PRX: variants seen among roughly 807,000 people sequenced by gnomAD.
PRX encodes periaxin.
PRX carries 24 observed loss-of-function variants against 29.6 expected under a neutral mutation model. That is an observed-to-expected ratio of 0.81 (90% CI 0.59 to 1.14). The LOEUF (loss-of-function observed/expected upper bound fraction) is 1.14. Among genes scored for constraint, PRX ranks in the 50% most tolerant of loss-of-function variants. PRX has a pLI of 0.00. For missense variants in PRX, 1,838 were observed against 1,926.4 expected, an observed-to-expected ratio of 0.95 and a Z score of 0.86; for synonymous variants, 772 against 831.7, an observed-to-expected ratio of 0.93 and a Z score of 1.24.
Position 40,408,140 on chromosome 19 carries a change from C to T in PRX, c.-100+18G>A. 3 of 646,416 alleles carry T rather than the reference C, an allele frequency of 4.6e-6. No individual in the cohort carries two copies. Among genetic ancestry groups the T allele is most frequent in the Non-Finnish European group, 5.4e-6 (2 of 367,002 alleles). 40.0% of individuals were successfully genotyped at this position (646,416 alleles called of 1,614,324 possible). On this transcript the variant is annotated intron_variant, in intron 3 of 6. Coordinates refer to ENST00000324001, the MANE Select transcript of PRX (RefSeq NM_181882.3). Reference sequence around the variant, plus strand: ...TATTAGAAGGGGAGAAGGGCCCCCACCCCAGCTGTCCTCTCACCGCTGCCT... The same window carrying T: ...TATTAGAAGGGGAGAAGGGCCCCCATCCCAGCTGTCCTCTCACCGCTGCCT...
In PRX at chr19:40,395,476, AC is replaced by A; in HGVS notation, c.2875del (p.Val959TyrfsTer49). 1.2e-6 allele frequency: 2 copies of A among 1,613,774 alleles called. No homozygotes were observed. Among genetic ancestry groups the A allele is most frequent in the Non-Finnish European group, 1.7e-6 (2 of 1,179,948 alleles). ...GGGGAGTGAGATGGCAAATTTGGATACCTTCAGCTTGGTAGCTCGCCCAGCC... is the reference window on the plus strand; with the variant it reads ...GGGGAGTGAGATGGCAAATTTGGATACTTCAGCTTGGTAGCTCGCCCAGCC... ...EGAGRATKLK[V>X]SKFAISLPKA... On this transcript the variant is annotated frameshift_variant, in exon 7 of 7. Transcript: ENST00000324001. LOFTEE classifies it low-confidence loss of function (END_TRUNC).
Position 40,395,686 on chromosome 19 carries a change from G to A in PRX, c.2666C>T (p.Ala889Val). The change falls in exon 7 of 7, where the codon GCA (alanine) becomes GTA (valine). Residue 889 changes from alanine to valine, a missense_variant. Around this residue, in one of 3 missense-constraint regions of PRX, gnomAD observed 1,143 missense variants for 1,193.0 expected, o/e 0.96. Transcript: ENST00000324001. ...TCGGAAGCCCACTTCCCTGACCCCT[G>A]CTGCCACCTCAGGGCCCTCCACCCG... ...GERVEGPEVA[A>V]GVREVGFRVP... 6.2e-7 allele frequency: 1 copy of A among 1,614,082 alleles called. No individual in the cohort carries two copies. The highest frequency in any genetic ancestry group is 1.1e-5 in the South Asian group (1 of 91,078).
chr19:40,398,876 T>C lies in PRX; in HGVS notation c.185-60A>G. ...ATCTCCCGGCTCCGCCCGGGCCTAG[T>C]TCTGCCCACTTGCACGGAGCCCTCG... On this transcript the variant is annotated intron_variant, in intron 5 of 6. Coordinates refer to ENST00000324001, the MANE Select transcript of PRX (RefSeq NM_181882.3). This position sits in a 1 kb window ranked among gnomAD's most constrained non-coding sequence, Gnocchi z 6.3. 6.2e-7 allele frequency: 1 copy of C among 1,611,330 alleles called. No homozygotes were observed. Among genetic ancestry groups the C allele is most frequent in the Non-Finnish European group, 8.5e-7 (1 of 1,179,026 alleles).
Position 40,394,082 on chromosome 19 carries a change from C to T in PRX, c.4270G>A (p.Gly1424Arg), listed in dbSNP as rs754032938. The change falls in exon 7 of 7, where the codon GGG becomes AGG. Residue 1424 changes from glycine to arginine, a missense_variant. Physicochemically the swap from Gly to Arg is moderately radical, Grantham distance 125. Around this residue, in one of 3 missense-constraint regions of PRX, gnomAD observed 1,143 missense variants for 1,193.0 expected, o/e 0.96. Coordinates refer to ENST00000324001, the MANE Select transcript of PRX (RefSeq NM_181882.3). The surrounding 1 kb of genome is among the most constrained non-coding windows in gnomAD (Gnocchi z 5.8). ...CCACCCTCTTCCTGGTCCCCACTCCCACTCCGGGCCTTGGGGCTTAGGGAC... is the reference window on the plus strand; with the variant it reads ...CCACCCTCTTCCTGGTCCCCACTCCTACTCCGGGCCTTGGGGCTTAGGGAC... ...RVSLSPKARS[G>R]SGDQEEGGLR... The T allele has an allele frequency of 6.2e-7, 1 of 1,611,438 alleles. No individual in the cohort carries two copies.
At position 40,398,262 on chromosome 19, in the gene PRX, G is replaced by A; in HGVS notation, c.382-292C>T. On this transcript the variant is annotated intron_variant, in intron 6 of 6. Transcript: ENST00000324001. The surrounding 1 kb of genome is among the most constrained non-coding windows in gnomAD (Gnocchi z 6.3). ...TCCTCATTCTAGAGATGGGGAAACT[G>A]AGGCCCAGGGAGAGAAACAACTTTG... 7.1e-7 allele frequency: 1 copy of A among 1,412,864 alleles called. No individual in the cohort carries two copies. The highest frequency in any genetic ancestry group is 9.2e-7 in the Non-Finnish European group (1 of 1,087,738). 87.5% of individuals were successfully genotyped at this position (1,412,864 alleles called of 1,614,324 possible).
intron 1 of PRX, among the ~76,000 whole-genome samples, chr19:40,411,304 C>A (rs1430609965): frequency 6.6e-6 from 1 of 152,098 alleles, no homozygotes; most frequent in East Asian, 1.9e-4. Flanking sequence ...CTTGTGGGAC[C>A]CCATTTAACT....
rs753734869 is a variant in PRX at position 40,396,887 on chromosome 19, C to T, written c.1465G>A (p.Val489Met). The T allele has an allele frequency of 4.3e-6, 7 of 1,614,158 alleles. No individual in the cohort carries two copies. Among genetic ancestry groups the T allele is most frequent in the Middle Eastern group, 1.6e-4 (1 of 6,062 alleles). ...PKVPEMAVPEVRLPEVELPKV... is the reference protein window; with the variant it reads ...PKVPEMAVPEMRLPEVELPKV... ...GGCAGCTCTACCTCTGGAAGCCGCA[C>T]CTCCGGCACAGCCATCTCTGGCACC... The change falls in exon 7 of 7, where the codon GTG becomes ATG. Residue 489 changes from valine to methionine, a missense_variant. Val to Met is a conservative substitution (Grantham distance 21). Around this residue, in one of 3 missense-constraint regions of PRX, gnomAD observed 666 missense variants for 665.0 expected, o/e 1.00. Transcript: ENST00000324001.
chr19:40,394,558 G>A lies in PRX; in HGVS notation c.3794C>T (p.Pro1265Leu). Residue 1265 changes from proline (P) to leucine (L), a missense_variant, in exon 7 of 7, where the codon CCC (proline) becomes CTC (leucine). Physicochemically the swap from Pro to Leu is moderately conservative, Grantham distance 98 (BLOSUM62 -3). Transcript: ENST00000324001. This position sits in a 1 kb window ranked among gnomAD's most constrained non-coding sequence, Gnocchi z 5.8. ...GCAGAAGGTACGCTCGGCCCCTGGG[G>A]GCTGCTCCTCAGCACCCTCGCCCCC... The part of the protein sequence containing the change: ...RVGGEGAEEQ[P>L]PGAERTFCLS... 6.2e-7 allele frequency: 1 copy of A among 1,608,162 alleles called. No homozygotes were observed. The highest frequency in any genetic ancestry group is 8.5e-7 in the Non-Finnish European group (1 of 1,178,196).
chr19:40,394,335 G>T lies in PRX; in HGVS notation c.4017C>A (p.Ser1339Arg), dbSNP rs758057597. 76 of 1,607,892 alleles carry T rather than the reference G, an allele frequency of 4.7e-5. No individual in the cohort carries two copies. Among genetic ancestry groups the T allele is most frequent in the Non-Finnish European group, 5.9e-5 (69 of 1,177,076 alleles). Residue 1339 changes from serine (S) to arginine (R), a missense_variant, in exon 7 of 7, where the codon AGC becomes AGA. Ser to Arg is a moderately radical substitution (Grantham distance 110). Around this residue, in one of 3 missense-constraint regions of PRX, gnomAD observed 1,143 missense variants for 1,193.0 expected, o/e 0.96. Transcript: ENST00000324001. The surrounding 1 kb of genome is among the most constrained non-coding windows in gnomAD (Gnocchi z 5.8). ...PKLRLPRVGF[S>R]QSEMVTGEGS... ...CTTCCCCAGTGACCATCTCACTTTG[G>T]CTGAAGCCCACTCGGGGCAGCCTGA...
At chr19:40,404,367 G>C (rs2079517852) in intron 4 of PRX, among the ~76,000 whole-genome samples, 3 of 139,740 alleles carry the variant, frequency 2.1e-5, no homozygotes. Context: ...AACTTGAGTT[G>C]TGATTGAGAG....
rs145226687 is a variant in PRX, at chr19:40,395,520, A to G, written c.2832T>C (p.Ala944=). 8.5e-5 allele frequency: 138 copies of G among 1,614,162 alleles called. No individual in the cohort carries two copies. The African/African-American group carries it at 1.8e-3, about 21-fold the overall frequency. ...PKFGLSGPKV[A]KAEAEGAGRA... ...GCCCAGCCCCCTCAGCCTCTGCCTTAGCCACCTTTGGCCCCGAGAGTCCAA... is the reference window on the plus strand; with the variant it reads ...GCCCAGCCCCCTCAGCCTCTGCCTTGGCCACCTTTGGCCCCGAGAGTCCAA... The change falls in exon 7 of 7, where the codon GCT becomes GCC. Residue 944 remains alanine, a synonymous_variant. Coordinates refer to ENST00000324001, the MANE Select transcript of PRX (RefSeq NM_181882.3).
upstream of PRX, among the ~76,000 whole-genome samples, chr19:40,414,712 G>T (rs1347426567): frequency 6.6e-6 from 1 of 152,046 alleles, no homozygotes; most frequent in African/African-American, 2.4e-5. Context: ...GACCCCGGGG[G>T]GCGGCACAGG....
At position 40,394,181 on chromosome 19, in the gene PRX, G is replaced by A. The variant is rs369072136; in HGVS notation, c.4171C>T (p.Arg1391Trp). 75 of 1,587,512 alleles carry A rather than the reference G, an allele frequency of 4.7e-5. No homozygotes were observed. Among genetic ancestry groups the A allele is most frequent in the Middle Eastern group, 3.4e-4 (2 of 5,936 alleles). ...VGLAAPSKAS[R>W]GQEGDAAPKS... is the part of the protein sequence containing the mutation. ...GGGGCTGCATCGCCCTCCTGCCCCC[G>A]AGAGGCTTTAGAAGGGGCCGCCAGG... Residue 1391 changes from arginine to tryptophan, a missense_variant, in exon 7 of 7, where the codon CGG becomes TGG. Transcript: ENST00000324001. The surrounding 1 kb of genome is among the most constrained non-coding windows in gnomAD (Gnocchi z 5.8).
chr19:40,407,491 G>A (rs2079537331), intron 4 of PRX: 1 of 258,890 alleles, frequency 3.9e-6, no homozygotes, highest in African/African-American at 2.2e-5. Context: ...GGTAGAGACA[G>A]GGTCTTCCTA....
Position 40,396,647 on chromosome 19 carries a change from G to T in PRX, c.1705C>A (p.Leu569Ile). The change falls in exon 7 of 7, where the codon CTT becomes ATT. Residue 569 changes from leucine to isoleucine, a missense_variant. This residue lies in a region of PRX where 1,143 missense variants were observed against 1,193.0 expected (regional missense o/e 0.96). Coordinates refer to ENST00000324001, the MANE Select transcript of PRX (RefSeq NM_181882.3). The part of the protein sequence containing the change: ...VSEVAVPEVR[L>I]PEVQLPKVPE... ...ACTTTCGGCAGCTGCACCTCTGGAAGCCGCACCTCTGGCACAGCCACCTCT... is the reference window on the plus strand; with the variant it reads ...ACTTTCGGCAGCTGCACCTCTGGAATCCGCACCTCTGGCACAGCCACCTCT... 6.2e-7 allele frequency: 1 copy of T among 1,614,070 alleles called. No homozygotes were observed.
At chr19:40,408,828 T>G (rs2079545246) in intron 1 of PRX, among the ~76,000 whole-genome samples, 1 of 150,680 alleles carries the variant, frequency 6.6e-6, no homozygotes, top group African/African-American at 2.5e-5. Context: ...TGTGTGTGTG[T>G]GTGTGTGTGT....
rs1483771058 is a variant in PRX at position 40,397,598 on chromosome 19, A to G, written c.754T>C (p.Ser252Pro). 1.9e-6 allele frequency: 3 copies of G among 1,541,270 alleles called. No homozygotes were observed. The Admixed American group carries it at 5.9e-5, about 30-fold the overall frequency. The change falls in exon 7 of 7, where the codon TCA becomes CCA. Residue 252 changes from serine to proline, a missense_variant. This residue lies in a region of PRX where 666 missense variants were observed against 665.0 expected (regional missense o/e 1.00). Transcript: ENST00000324001. ...GCTGAGGGGGCAGCCTTGGGGGCTG[A>G]GACCTGGGGGACACCCACCTCCGCC... ...PGAEVGVPQV[S>P]APKAAPSAEA...
chr19:40,395,879 C>T lies in PRX; in HGVS notation c.2473G>A (p.Ala825Thr), dbSNP rs372424862. 5.0e-6 allele frequency: 8 copies of T among 1,614,224 alleles called. No homozygotes were observed. The highest frequency in any genetic ancestry group is 2.7e-5 in the African/African-American group (2 of 75,066). The part of the protein sequence containing the change: ...PSRGKPGEAG[A>T]EVSGKLVTLP... The stretch of plus-strand genomic sequence containing the variant: ...GTTACCAGCTTCCCTGAGACCTCAG[C>T]ACCCGCCTCGCCTGGCTTGCCACGT... The change falls in exon 7 of 7, where the codon GCT (alanine) becomes ACT (threonine). Residue 825 changes from alanine (A) to threonine (T), a missense_variant. Transcript: ENST00000324001.
chr19:40,408,648 T>C (rs116607519), intron 1 of PRX, among the ~76,000 whole-genome samples: 4 of 152,298 alleles, frequency 2.6e-5, no homozygotes, highest in African/African-American at 9.6e-5. Flanking sequence ...TAATTGCTAT[T>C]TGAGACAGGG....
Sources: allele counts gnomAD v4.1 joint callset (sites outside exome capture counted in the v4.1 genomes callset), GRCh38; gene constraint gnomAD v4.1.1; regional missense constraint gnomAD v4.1.1; non-coding constraint Gnocchi (gnomAD v3.1); transcripts MANE v1.5; gene names NCBI Gene and HGNC (gene_info 2026-07-23, HGNC 2026-07-21).